USP31: variants seen among roughly 807,000 people sequenced by gnomAD.
The protein encoded by USP31 is ubiquitin specific peptidase 31.
A neutral mutation model predicts 119.4 loss-of-function variants in USP31; 44 were observed. That is an observed-to-expected ratio of 0.37 (90% CI 0.29 to 0.47). The LOEUF is 0.47. USP31 is among the 20% of genes least tolerant of loss of function. The pLI is 0.99. For missense variants in USP31, 1,643 were observed against 1,730.2 expected, an observed-to-expected ratio of 0.95 and a Z score of 0.89; for synonymous variants, 749 against 705.6, an observed-to-expected ratio of 1.06 and a Z score of -0.97.
In USP31 at chr16:23,079,934, C is replaced by T; in HGVS notation, c.2176+12G>A. The T allele has an allele frequency of 6.3e-7, 1 of 1,586,526 alleles. No individual in the cohort carries two copies. Among genetic ancestry groups the T allele is most frequent in the Non-Finnish European group, 8.6e-7 (1 of 1,168,042 alleles). On this transcript the variant is annotated intron_variant, in intron 13 of 15. Coordinates refer to ENST00000219689, the MANE Select transcript of USP31 (RefSeq NM_020718.4). Reference sequence around the variant, plus strand: ...TCGCCAGCACAGACACGCAGCCTCTCACACTGCAGACCTGTGTAGTGCCCC... The same window carrying T: ...TCGCCAGCACAGACACGCAGCCTCTTACACTGCAGACCTGTGTAGTGCCCC...
intron 9 of USP31, among the ~76,000 whole-genome samples, chr16:23,086,589 C>A (rs183251913): frequency 5.9e-5 from 9 of 152,216 alleles, no homozygotes; most frequent in Non-Finnish European, 1.3e-4. Context: ...GCAAAGCACG[C>A]ATATAAAATA....
chr16:23,074,028 T>A, intron 13 of USP31, 148 bp from the exon 14 acceptor site: 1 of 1,082,000 alleles, frequency 9.2e-7, no homozygotes, highest in Middle Eastern at 2.0e-4. Flanking sequence ...TAAAAAAAAA[T>A]TCTAAATTCT....
chr16:23,104,216 T>C (rs559471867), intron 5 of USP31, among the ~76,000 whole-genome samples: 26 of 152,298 alleles, frequency 1.7e-4, no homozygotes, highest in Admixed American at 3.3e-4. Context: ...GGGTCGGTGG[T>C]ATATTCCACA....
chr16:23,105,716 T>C lies in USP31; in HGVS notation c.954-140A>G, dbSNP rs894440827. 176 of 935,368 alleles carry C rather than the reference T, an allele frequency of 1.9e-4. No individual in the cohort carries two copies. The Admixed American group carries it at 3.7e-3, about 20-fold the overall frequency. The allele number at this position is 935,368 out of a possible 1,614,324, so 57.9% of individuals were successfully genotyped here. On this transcript the variant is annotated intron_variant, in intron 4 of 15. Coordinates refer to ENST00000219689, the MANE Select transcript of USP31 (RefSeq NM_020718.4). Reference sequence around the variant, plus strand: ...TACTCGGAAGCCCAAATGGAAAAATTTCACTTGGCTCTAAGCAGAACTGTC... The same window carrying C: ...TACTCGGAAGCCCAAATGGAAAAATCTCACTTGGCTCTAAGCAGAACTGTC...
At chr16:23,092,526 C>T (rs62030994) in intron 6 of USP31, among the ~76,000 whole-genome samples, 3,951 of 152,160 alleles carry the variant, frequency 0.026, 75 homozygotes, top group Non-Finnish European at 0.039. Flanking sequence ...AAGTTAACTG[C>T]CCAGAAGAGC....
chr16:23,108,282 G>T, intron 1 of USP31, 99 bp from the exon 2 acceptor site: 1 of 1,469,212 alleles, frequency 6.8e-7, no homozygotes, highest in African/African-American at 1.4e-5. Context: ...GATCTCAAGG[G>T]TGTTAGAGAA....
chr16:23,121,182 C>T (rs1902655677), intron 1 of USP31, among the ~76,000 whole-genome samples: 1 of 152,164 alleles, frequency 6.6e-6, no homozygotes, highest in African/African-American at 2.4e-5. Flanking sequence ...TTCACATCGC[C>T]ATAAACCCAG....
At chr16:23,083,122 G>A (rs1052367326) in intron 11 of USP31, among the ~76,000 whole-genome samples, 2 of 152,118 alleles carry the variant, frequency 1.3e-5, no homozygotes, top group South Asian at 2.1e-4. Context: ...GAGCCACTGC[G>A]CCCGGCCAGA....
intron 12 of USP31, among the ~76,000 whole-genome samples, chr16:23,082,091 T>C (rs1900856505): frequency 6.6e-6 from 1 of 152,168 alleles, no homozygotes. Flanking sequence ...CAACAGCTTC[T>C]CAGGAGCAGA....
At chr16:23,103,146 C>T (rs1901954508) in intron 5 of USP31, among the ~76,000 whole-genome samples, 3 of 152,168 alleles carry the variant, frequency 2.0e-5, no homozygotes, top group Non-Finnish European at 1.5e-5. Flanking sequence ...TGTCTAACCT[C>T]CGTTTCACTG....
In USP31 at chr16:23,072,151, C is replaced by T. The variant is rs377236494; in HGVS notation, c.2382G>A (p.Pro794=). Residue 794 remains proline, a synonymous_variant, in exon 15 of 16, where the codon CCG becomes CCA. Coordinates refer to ENST00000219689, the MANE Select transcript of USP31 (RefSeq NM_020718.4). ...AGGTCACGCTGGCTGGCTTGCTGCC[C>T]GGGAGCCGGCTCACCCAGTGTTCAC... The part of the protein sequence containing the change: ...SLCEHWVSRL[P]GSKPASVTSA... 4.5e-5 allele frequency: 72 copies of T among 1,611,262 alleles called. No homozygotes were observed. The highest frequency in any genetic ancestry group is 1.6e-4 in the Middle Eastern group (1 of 6,062).
chr16:23,145,434 T>TC, intron 1 of USP31, among the ~76,000 whole-genome samples: 1 of 152,192 alleles, frequency 6.6e-6, no homozygotes, highest in Admixed American at 6.5e-5. Flanking sequence ...GGTAAACCCC[T>TC]CCTTTACTCA....
chr16:23,103,531 T>C (rs532724189), intron 5 of USP31, among the ~76,000 whole-genome samples: 1 of 152,316 alleles, frequency 6.6e-6, no homozygotes, highest in South Asian at 2.1e-4. Context: ...TATAACATAG[T>C]ATTAAAGTCA....
chr16:23,134,159 A>G (rs1903115698), intron 1 of USP31, among the ~76,000 whole-genome samples: 1 of 152,130 alleles, frequency 6.6e-6, no homozygotes, highest in Non-Finnish European at 1.5e-5. Context: ...AAACTTGACA[A>G]AATGATTCTA....
chr16:23,095,522 GAAC>G (rs1276256033), intron 6 of USP31, among the ~76,000 whole-genome samples: 5 of 152,082 alleles, frequency 3.3e-5, no homozygotes, highest in African/African-American at 7.2e-5. Context: ...TCCTCGAGAA[GAAC>G]AACCCCAAGA....
chr16:23,142,276 CAT>C (rs1903374488), intron 1 of USP31, among the ~76,000 whole-genome samples: 2 of 152,262 alleles, frequency 1.3e-5, no homozygotes, highest in South Asian at 2.1e-4. Flanking sequence ...GAGAGATCCA[CAT>C]GTGTTGATAT....
At position 23,062,520 on chromosome 16, in the gene USP31, C is replaced by T. The variant is rs1899882969; in HGVS notation, c.*5526G>A. The T allele has an allele frequency of 6.6e-6, 1 of 152,614 alleles. No homozygotes were observed. Among genetic ancestry groups the T allele is most frequent in the Non-Finnish European group, 1.5e-5 (1 of 68,018 alleles). The allele number at this position is 152,614 out of a possible 1,614,324, so 9.5% of individuals were successfully genotyped here. Reference sequence around the variant, plus strand: ...TTCAGCGGCAGCCTGGGGTTTGCTACTGTAATTCCTACAAAAAGGCAATAA... The same window carrying T: ...TTCAGCGGCAGCCTGGGGTTTGCTATTGTAATTCCTACAAAAAGGCAATAA... On this transcript the variant is annotated 3_prime_UTR_variant, in exon 16 of 16. Coordinates refer to ENST00000219689, the MANE Select transcript of USP31 (RefSeq NM_020718.4).
At position 23,062,621 on chromosome 16, in the gene USP31, G is replaced by T. The variant is rs1230075473; in HGVS notation, c.*5425C>A. On this transcript the variant is annotated 3_prime_UTR_variant, in exon 16 of 16. Coordinates refer to ENST00000219689, the MANE Select transcript of USP31 (RefSeq NM_020718.4). ...TTCTTCTTCGACAATTTCTAGCTCAGAGTGACTTCCCTATTCCCCCACGGG... is the reference window on the plus strand; with the variant it reads ...TTCTTCTTCGACAATTTCTAGCTCATAGTGACTTCCCTATTCCCCCACGGG... 1 of 152,450 alleles carries T rather than the reference G, an allele frequency of 6.6e-6. No homozygotes were observed. Among genetic ancestry groups the T allele is most frequent in the Non-Finnish European group, 1.5e-5 (1 of 68,026 alleles). The allele number at this position is 152,450 out of a possible 1,614,324, so 9.4% of individuals were successfully genotyped here.
intron 13 of USP31, among the ~76,000 whole-genome samples, chr16:23,076,980 A>T (rs1265644471): frequency 6.6e-6 from 1 of 152,246 alleles, no homozygotes; most frequent in African/African-American, 2.4e-5. Flanking sequence ...AAATCCAACA[A>T]GACACAATAT....
Sources: gnomAD v4.1 joint callset for allele counts (sites outside exome capture counted in the v4.1 genomes callset) on GRCh38, gnomAD v4.1.1 for gene constraint, MANE v1.5 for transcripts, NCBI Gene and HGNC (gene_info 2026-07-23, HGNC 2026-07-21) for gene names.